ESR1: variants seen among roughly 807,000 people sequenced by gnomAD.
ESR1 encodes the protein estrogen receptor.
In ESR1, 12 loss-of-function variants were observed where a neutral mutation model predicts 52.7. The ratio of observed to expected loss-of-function variants is 0.23; its 90% CI spans 0.15 to 0.37. The LOEUF (loss-of-function observed/expected upper bound fraction) is 0.37. ESR1 is among the 10% of genes least tolerant of loss of function. The probability of loss-of-function intolerance (pLI) is 1.00; values close to 1 mark genes in which losing one functional copy is unlikely to be tolerated. For missense variants in ESR1, 584 were observed against 779.7 expected, an observed-to-expected ratio of 0.75 and a Z score of 2.99; for synonymous variants, 305 against 316.8, an observed-to-expected ratio of 0.96 and a Z score of 0.39.
intron 4 of ESR1, among the ~76,000 whole-genome samples, chr6:151,947,182 G>A (rs1238402960): frequency 6.6e-6 from 1 of 152,082 alleles, no homozygotes; most frequent in Non-Finnish European, 1.5e-5. Flanking sequence ...AGCCAGGCTT[G>A]GTGGCACACA....
intron 6 of ESR1, among the ~76,000 whole-genome samples, chr6:152,082,591 T>C (rs1229238879): frequency 6.6e-6 from 1 of 152,140 alleles, no homozygotes; most frequent in African/African-American, 2.4e-5. Flanking sequence ...CTATTCAACA[T>C]AGTGTTGGAA....
At chr6:151,688,587 G>A (rs902221179), upstream of ESR1, among the ~76,000 whole-genome samples, 5 of 150,946 alleles carry the variant, frequency 3.3e-5, no homozygotes, top group African/African-American at 1.2e-4. Flanking sequence ...ACCTCTGGTT[G>A]GATAAAAAAT....
At chr6:151,740,285 A>ATTTTTTTTTTTTTTTTTTTTTTTTTTT in intron 2 of ESR1, among the ~76,000 whole-genome samples, 2 of 108,008 alleles carry the variant, frequency 1.9e-5, no homozygotes, top group Non-Finnish European at 3.6e-5. Flanking sequence ...TGCCTGGCTA[A>ATTTTTTTTTTTTTTTTTTTTTTTTTTT]TTTTTTTTTT....
At chr6:152,003,338 TTA>T (rs989088924) in intron 4 of ESR1, among the ~76,000 whole-genome samples, 57 of 128,682 alleles carry the variant, frequency 4.4e-4, no homozygotes, top group East Asian at 2.5e-3. Flanking sequence ...AAAAGGGTAA[TTA>T]TGTGTGTGTG....
intron 2 of ESR1, among the ~76,000 whole-genome samples, chr6:151,704,162 T>A (rs954680660): frequency 1.3e-5 from 2 of 152,238 alleles, no homozygotes; most frequent in African/African-American, 4.8e-5. Flanking sequence ...AAGCCACCCA[T>A]GGGGTTGCCC....
chr6:152,019,180 A>G (rs1022303464), intron 5 of ESR1, among the ~76,000 whole-genome samples: 7 of 152,346 alleles, frequency 4.6e-5, no homozygotes, highest in African/African-American at 1.7e-4. Flanking sequence ...AGATAAATCA[A>G]AATATCCATT....
intron 6 of ESR1, among the ~76,000 whole-genome samples, chr6:152,111,412 G>C (rs890516674): frequency 1.3e-5 from 2 of 152,194 alleles, no homozygotes; most frequent in African/African-American, 4.8e-5. Context: ...AGGGTTGCAG[G>C]ACAGACAGCC....
intron 3 of ESR1, among the ~76,000 whole-genome samples, chr6:151,895,370 A>T (rs1185424306): frequency 6.6e-6 from 1 of 152,056 alleles, no homozygotes; most frequent in Non-Finnish European, 1.5e-5. Flanking sequence ...CCTCTTTACT[A>T]ATTTGGATGT....
At chr6:151,971,945 A>G (rs922519742) in intron 4 of ESR1, among the ~76,000 whole-genome samples, 8 of 152,202 alleles carry the variant, frequency 5.3e-5, no homozygotes, top group African/African-American at 1.2e-4. Context: ...GATCCAAATA[A>G]GCTCAATTAG....
At chr6:152,063,737 A>ATC (rs1293224255) in intron 6 of ESR1, among the ~76,000 whole-genome samples, 3 of 152,170 alleles carry the variant, frequency 2.0e-5, no homozygotes, top group Non-Finnish European at 4.4e-5. Flanking sequence ...GACTCCAGGA[A>ATC]TCTCTGACAG....
chr6:151,949,768 C>G (rs2036122668), intron 4 of ESR1, among the ~76,000 whole-genome samples: 1 of 152,218 alleles, frequency 6.6e-6, no homozygotes, highest in Non-Finnish European at 1.5e-5. Flanking sequence ...CTGGATTTTT[C>G]TTTCACATGA....
intron 6 of ESR1, among the ~76,000 whole-genome samples, chr6:152,079,049 G>A (rs1391632195): frequency 6.6e-6 from 1 of 152,246 alleles, no homozygotes; most frequent in East Asian, 1.9e-4. Context: ...ACCTCTGGGG[G>A]CAGCACATAG....
intron 1 of ESR1, among the ~76,000 whole-genome samples, chr6:151,813,876 G>A (rs910826885): frequency 3.6e-4 from 55 of 152,242 alleles, no homozygotes; most frequent in African/African-American, 1.2e-3. Context: ...TTCCAAATGA[G>A]CCCTTGAAAA....
chr6:152,095,162 T>A (rs1333007265), intron 7 of ESR1, among the ~76,000 whole-genome samples: 1 of 152,170 alleles, frequency 6.6e-6, no homozygotes, highest in East Asian at 1.9e-4. Flanking sequence ...GTGTCCAGAG[T>A]GATCATTCTA....
At chr6:151,753,346 G>T (rs117059160) in intron 2 of ESR1, among the ~76,000 whole-genome samples, 1 of 147,946 alleles carries the variant, frequency 6.8e-6, no homozygotes, top group Non-Finnish European at 1.5e-5. Context: ...TTGAGACAAG[G>T]TCTGACTCTC....
chr6:151,794,627 T>C (rs887205297), intron 2 of ESR1, among the ~76,000 whole-genome samples: 1 of 152,154 alleles, frequency 6.6e-6, no homozygotes, highest in African/African-American at 2.4e-5. Flanking sequence ...AATGTCTCAG[T>C]GGGAGCAATA....
chr6:151,831,853 A>C (rs6926750), intron 1 of ESR1, among the ~76,000 whole-genome samples: 2 of 151,928 alleles, frequency 1.3e-5, no homozygotes, highest in African/African-American at 2.4e-5. Context: ...CACTTTATTA[A>C]ACCAAGGGTC....
upstream of ESR1, chr6:151,805,870 C>G (rs1415535201): frequency 6.6e-6 from 1 of 152,180 alleles, no homozygotes; most frequent in African/African-American, 2.4e-5. Context: ...TTTGAGAAAG[C>G]AACTTACCTT....
rs1461735434 is a variant in ESR1 at position 151,924,018 on chromosome 6, AG to A, written c.761-20154del. ...ATTTTAACTATTGTAATAGATGTGTAGTAGTGTTTGATTGTTTTAATTTGCA... is the reference window on the plus strand; with the variant it reads ...ATTTTAACTATTGTAATAGATGTGTATAGTGTTTGATTGTTTTAATTTGCA... On this transcript the variant is annotated intron_variant, in intron 3 of 7. Transcript: ENST00000206249. Among the ~76,000 whole-genome samples, 3 of 152,216 alleles carry A rather than the reference AG, an allele frequency of 2.0e-5. No individual in the cohort carries two copies. In the East Asian group the frequency reaches 5.8e-4, roughly 29 times the overall value.
Sources: gnomAD v4.1 joint callset for allele counts (sites outside exome capture counted in the v4.1 genomes callset) on GRCh38, gnomAD v4.1.1 for gene constraint, MANE v1.5 for transcripts, NCBI Gene and HGNC (gene_info 2026-07-23, HGNC 2026-07-21) for gene names.